HOMER1: variants seen among roughly 807,000 people sequenced by gnomAD.
The protein encoded by HOMER1 is homer scaffold protein 1.
A neutral mutation model predicts 48.9 loss-of-function variants in HOMER1; 3 were observed. The ratio of observed to expected loss-of-function variants is 0.06; its 90% CI spans 0.03 to 0.16. HOMER1 has a LOEUF of 0.16. HOMER1 is among the 10% of genes least tolerant of loss of function. The probability of loss-of-function intolerance (pLI) is 1.00; values close to 1 mark genes in which losing one functional copy is unlikely to be tolerated. For synonymous variants in HOMER1, 134 were observed against 146.4 expected (o/e 0.92, Z 0.61); for missense variants, 247 against 411.4 (o/e 0.60, Z 3.46).
At chr5:79,395,678 T>TTATTATGAAGGGGTTTAAA (rs1749365631) in intron 8 of HOMER1, among the ~76,000 whole-genome samples, 1 of 152,218 alleles carries the variant, frequency 6.6e-6, no homozygotes, top group African/African-American at 2.4e-5. Context: ...TTAAAGCCCA[T>TTATTATGAAGGGGTTTAAA]GTCTTTGACT....
intron 3 of HOMER1, 110 bp downstream of exon 3, chr5:79,450,880 A>G (rs1751009962): frequency 9.3e-7 from 1 of 1,074,702 alleles, no homozygotes; most frequent in African/African-American, 1.6e-5. Context: ...CTGTTTCGAG[A>G]ATATTAAATA....
intron 5 of HOMER1, among the ~76,000 whole-genome samples, chr5:79,437,875 T>A (rs756862953): frequency 3.9e-5 from 6 of 152,156 alleles, no homozygotes; most frequent in Non-Finnish European, 7.4e-5. Context: ...CAGGCTGATC[T>A]TGAACTCCTG....
chr5:79,477,090 C>G (rs1244877759), intron 1 of HOMER1, among the ~76,000 whole-genome samples: 1 of 152,110 alleles, frequency 6.6e-6, no homozygotes, highest in African/African-American at 2.4e-5. Context: ...AGGCCTAAAG[C>G]ACCCCAACAT....
intron 4 of HOMER1, among the ~76,000 whole-genome samples, chr5:79,439,831 A>G (rs189209521): frequency 1.3e-5 from 2 of 152,282 alleles, no homozygotes; most frequent in East Asian, 3.9e-4. Flanking sequence ...AAGTAAATTT[A>G]TTTAAATAAC....
chr5:79,455,984 GTC>G (rs1481704423), intron 2 of HOMER1, among the ~76,000 whole-genome samples: 1 of 151,930 alleles, frequency 6.6e-6, no homozygotes, highest in African/African-American at 2.4e-5. Flanking sequence ...GTGAAACCCT[GTC>G]TCTACTAAAA....
At chr5:79,488,200 C>T (rs1752172689) in intron 1 of HOMER1, among the ~76,000 whole-genome samples, 1 of 152,110 alleles carries the variant, frequency 6.6e-6, no homozygotes, top group African/African-American at 2.4e-5. Context: ...AACATGCAAC[C>T]CGAAAGCAGA....
intron 5 of HOMER1, among the ~76,000 whole-genome samples, chr5:79,421,989 G>A (rs1750113936): frequency 6.6e-6 from 1 of 152,162 alleles, no homozygotes; most frequent in African/African-American, 2.4e-5. Flanking sequence ...CACTTTGGGA[G>A]GCCAAGGAGG....
intron 1 of HOMER1, among the ~76,000 whole-genome samples, chr5:79,478,091 T>C (rs1322039009): frequency 1.3e-5 from 2 of 152,170 alleles, no homozygotes; most frequent in African/African-American, 4.8e-5. Context: ...TTTTCATACT[T>C]ACAACGAGGC....
chr5:79,387,446 G>A (rs542707510), intron 8 of HOMER1, among the ~76,000 whole-genome samples: 1 of 152,004 alleles, frequency 6.6e-6, no homozygotes, highest in Non-Finnish European at 1.5e-5. Context: ...TTTAAATCTT[G>A]CATCATTTAA....
intron 8 of HOMER1, among the ~76,000 whole-genome samples, chr5:79,386,357 C>A (rs1263913513): frequency 6.6e-6 from 1 of 152,060 alleles, no homozygotes; most frequent in African/African-American, 2.4e-5. Flanking sequence ...TGAACTAAGC[C>A]AGGCACAGAA....
intron 5 of HOMER1, among the ~76,000 whole-genome samples, chr5:79,418,401 G>A (rs535696102): frequency 6.6e-6 from 1 of 152,242 alleles, no homozygotes; most frequent in Admixed American, 6.5e-5. Flanking sequence ...ATGTGATGAA[G>A]TCTGGCTGTA....
chr5:79,435,179 T>C (rs773370623), intron 5 of HOMER1, among the ~76,000 whole-genome samples: 4 of 151,242 alleles, frequency 2.6e-5, no homozygotes, highest in African/African-American at 4.9e-5. Flanking sequence ...GCTAAGTAAC[T>C]TTTTAAGAAA....
intron 1 of HOMER1, among the ~76,000 whole-genome samples, chr5:79,494,604 C>A (rs1752372459): frequency 6.6e-6 from 1 of 152,230 alleles, no homozygotes; most frequent in South Asian, 2.1e-4. Context: ...TGCGGTGGCT[C>A]ATGCCTGTAA....
chr5:79,469,478 G>A (rs190025214), intron 1 of HOMER1, among the ~76,000 whole-genome samples: 11 of 152,200 alleles, frequency 7.2e-5, no homozygotes, highest in Admixed American at 2.6e-4. Flanking sequence ...ACTAATTACA[G>A]CTAAGTCTTT....
intron 4 of HOMER1, among the ~76,000 whole-genome samples, chr5:79,439,988 T>A (rs1251674620): frequency 6.6e-6 from 1 of 152,124 alleles, no homozygotes; most frequent in African/African-American, 2.4e-5. Context: ...GGGGAGGTGC[T>A]AAAACCAGAC....
At chr5:79,474,399 A>G (rs1751703575) in intron 1 of HOMER1, among the ~76,000 whole-genome samples, 1 of 151,994 alleles carries the variant, frequency 6.6e-6, no homozygotes, top group South Asian at 2.1e-4. Flanking sequence ...TATTAGTAAT[A>G]TAGTGAGACA....
At chr5:79,390,681 T>C (rs574367696) in intron 8 of HOMER1, among the ~76,000 whole-genome samples, 1 of 152,172 alleles carries the variant, frequency 6.6e-6, no homozygotes, top group South Asian at 2.1e-4. Context: ...AAATATTATG[T>C]CACCGAAAAA....
intron 5 of HOMER1, among the ~76,000 whole-genome samples, chr5:79,418,463 C>G (rs1750003185): frequency 6.6e-6 from 1 of 150,804 alleles, no homozygotes; most frequent in Non-Finnish European, 1.5e-5. Context: ...TACAGAAAAA[C>G]AACACGACAG....
intron 5 of HOMER1, among the ~76,000 whole-genome samples, chr5:79,405,559 A>G (rs1749641752): frequency 6.6e-6 from 1 of 151,810 alleles, no homozygotes; most frequent in Admixed American, 6.6e-5. Flanking sequence ...TTTTTGTCCA[A>G]TTTTTTCTAT....
Sources: allele counts gnomAD v4.1 joint callset (sites outside exome capture counted in the v4.1 genomes callset), GRCh38; gene constraint gnomAD v4.1.1; transcripts MANE v1.5; gene names NCBI Gene and HGNC (gene_info 2026-07-23, HGNC 2026-07-21).